Variants in DNAH7 observed in about 807,000 individuals in gnomAD.
The protein encoded by DNAH7 is axonemal beta dynein heavy chain 7.
DNAH7 carries 397 observed loss-of-function variants against 444.6 expected under a neutral mutation model. The observed-to-expected ratio is 0.89, with a 90% CI of 0.82 to 0.97. The LOEUF (loss-of-function observed/expected upper bound fraction) is 0.97. DNAH7 is among the 50% of genes least tolerant of loss of function. The pLI is 0.00. For missense variants in DNAH7, 4,902 were observed against 4,800.8 expected (o/e 1.02, Z -0.62); for synonymous variants, 1,636 against 1,624.4 (o/e 1.01, Z -0.17).
chr2:195,750,089 T>A (rs1409972367), intron 63 of DNAH7, among the ~76,000 whole-genome samples: 1 of 152,212 alleles, frequency 6.6e-6, no homozygotes, highest in Non-Finnish European at 1.5e-5. Flanking sequence ...TGACTACTCT[T>A]CAGTGCATGA....
intron 5 of DNAH7, among the ~76,000 whole-genome samples, chr2:196,041,068 A>T (rs1259808820): frequency 3.3e-5 from 5 of 151,992 alleles, no homozygotes; most frequent in Non-Finnish European, 5.9e-5. Context: ...AAAATCCCTT[A>T]AAAAATGCAA....
chr2:195,818,568 T>C (rs1697326899), intron 49 of DNAH7, among the ~76,000 whole-genome samples: 3 of 152,346 alleles, frequency 2.0e-5, no homozygotes, highest in Admixed American at 1.3e-4. Flanking sequence ...CCCACAATCC[T>C]TTCCAGCTAT....
chr2:195,873,648 A>G lies in DNAH7; in HGVS notation c.6333T>C (p.Asn2111=). The part of the protein sequence containing the change: ...PVTPRYMRHF[N]IITINEFSDK... ...CACTAAACTCATTGATTGTTATAAT[A>G]TTGAAATGTCGCATGTATCGAGGAG... Residue 2111 remains asparagine, a synonymous_variant, in exon 39 of 65, where the codon AAT becomes AAC. Coordinates refer to ENST00000312428, the MANE Select transcript of DNAH7 (RefSeq NM_018897.3). The G allele has an allele frequency of 6.5e-7, 1 of 1,535,298 alleles. No individual in the cohort carries two copies. The highest frequency in any genetic ancestry group is 8.7e-7 in the Non-Finnish European group (1 of 1,147,016).
chr2:196,043,232 A>T (rs928034413), intron 5 of DNAH7, among the ~76,000 whole-genome samples: 6 of 151,976 alleles, frequency 3.9e-5, no homozygotes, highest in Non-Finnish European at 5.9e-5. Flanking sequence ...AGCTTTTTTT[A>T]AAAAAAGGGA....
chr2:195,881,148 A>G (rs1574652768), intron 36 of DNAH7, among the ~76,000 whole-genome samples: 1 of 152,338 alleles, frequency 6.6e-6, no homozygotes, highest in East Asian at 1.9e-4. Flanking sequence ...ATTATTCAAT[A>G]AATACTAGGA....
At chr2:195,796,797 GT>G (rs1049707213) in intron 55 of DNAH7, 60 bp from the exon 56 acceptor site, 3 of 1,527,084 alleles carry the variant, frequency 2.0e-6, no homozygotes, top group South Asian at 1.3e-5. Context: ...CATCAATATT[GT>G]TTTTTTAAAA....
rs1008207020 is a variant in DNAH7 at position 195,778,474 on chromosome 2, C to T, written c.10879-489G>A. Among the ~76,000 whole-genome samples, 221 of 142,526 alleles carry T rather than the reference C, an allele frequency of 1.6e-3. 1 individual carries two copies. The highest frequency in any genetic ancestry group is 1.7e-3 in the Non-Finnish European group (112 of 66,366). 93.5% of individuals were successfully genotyped at this position (142,526 alleles called of 152,430 possible). A position where few individuals can be genotyped will look rare whatever the true frequency, so the allele number is the denominator to read the frequency against. On this transcript the variant is annotated intron_variant, in intron 58 of 64. Coordinates refer to ENST00000312428, the MANE Select transcript of DNAH7 (RefSeq NM_018897.3). ...GCAACATGGGGAGACCCTGTCCCTA[C>T]CAAAAAAAAAAAAGTAACCAGGTAT... is the stretch of plus-strand genomic sequence containing the variant.
chr2:196,053,595 C>G (rs1697622304), intron 2 of DNAH7, among the ~76,000 whole-genome samples: 2 of 152,120 alleles, frequency 1.3e-5, no homozygotes, highest in East Asian at 1.9e-4. Context: ...ATATAGGCAA[C>G]AGGAGACATG....
intron 15 of DNAH7, among the ~76,000 whole-genome samples, chr2:195,973,755 A>G (rs993420783): frequency 2.6e-5 from 4 of 152,154 alleles, no homozygotes; most frequent in African/African-American, 9.7e-5. Flanking sequence ...TACAGGCGTC[A>G]GCCACCGCGG....
chr2:195,837,517 T>C (rs981919685), intron 47 of DNAH7, among the ~76,000 whole-genome samples: 6 of 152,212 alleles, frequency 3.9e-5, no homozygotes, highest in African/African-American at 1.4e-4. Flanking sequence ...TCTAAGTTTC[T>C]TCTTTCTTTC....
At chr2:195,741,161 AATTTAT>A (rs1258634599) in intron 63 of DNAH7, 1 of 167,988 alleles carries the variant, frequency 6.0e-6, no homozygotes, top group Non-Finnish European at 1.3e-5. Flanking sequence ...AACATTATCA[AATTTAT>A]ATTGTTAATT....
chr2:195,807,722 C>A (rs1696778896), intron 53 of DNAH7, among the ~76,000 whole-genome samples: 1 of 152,070 alleles, frequency 6.6e-6, no homozygotes. Context: ...GAAACGTGTA[C>A]CTGTGAAACT....
At chr2:195,937,340 T>C (rs557624051) in intron 19 of DNAH7, among the ~76,000 whole-genome samples, 1 of 152,260 alleles carries the variant, frequency 6.6e-6, no homozygotes, top group African/African-American at 2.4e-5. Context: ...ATAACACTTC[T>C]TGCTGAAGGA....
Position 195,799,421 on chromosome 2 carries a change from T to C in DNAH7, c.10228A>G (p.Ile3410Val). ...GCTAAATCAAAGGGGGGTGGTTCAATGAATGCACGTCCCAATCTGTTGATT... is the reference window on the plus strand; with the variant it reads ...GCTAAATCAAAGGGGGGTGGTTCAACGAATGCACGTCCCAATCTGTTGATT... ...FIINRLGRAF[I>V]EPPPFDLAKA... The change falls in exon 55 of 65, where the codon ATT (isoleucine) becomes GTT (valine). Residue 3410 changes from isoleucine to valine, a missense_variant. Ile to Val is a conservative substitution (Grantham distance 29). Transcript: ENST00000312428. 1 of 1,610,456 alleles carries C rather than the reference T, an allele frequency of 6.2e-7. No individual in the cohort carries two copies. The highest frequency in any genetic ancestry group is 8.5e-7 in the Non-Finnish European group (1 of 1,178,362).
chr2:196,033,876 C>A (rs1696218148), intron 5 of DNAH7, among the ~76,000 whole-genome samples: 1 of 152,130 alleles, frequency 6.6e-6, no homozygotes, highest in African/African-American at 2.4e-5. Context: ...TACAAATTTC[C>A]ACAATGGCTG....
intron 19 of DNAH7, among the ~76,000 whole-genome samples, chr2:195,950,810 C>T (rs2125478807): frequency 7.5e-6 from 1 of 132,802 alleles, no homozygotes; most frequent in Admixed American, 9.3e-5. Flanking sequence ...CAAGACCATG[C>T]CACTGCACTC....
intron 11 of DNAH7, 41 bp downstream of exon 11, chr2:196,001,634 T>A (rs766202788): frequency 1.4e-6 from 2 of 1,422,580 alleles, no homozygotes; most frequent in East Asian, 4.9e-5. Flanking sequence ...TAAAAATAAA[T>A]AAATTTGTAA....
intron 63 of DNAH7, among the ~76,000 whole-genome samples, chr2:195,744,991 C>T (rs989958629): frequency 2.0e-5 from 3 of 152,240 alleles, no homozygotes; most frequent in African/African-American, 7.2e-5. Context: ...AGCAACGGAA[C>T]AGAGCTGGAC....
intron 5 of DNAH7, among the ~76,000 whole-genome samples, chr2:196,032,783 C>T (rs1303223945): frequency 2.6e-5 from 4 of 152,068 alleles, no homozygotes; most frequent in African/African-American, 9.7e-5. Context: ...CCATTAGTGG[C>T]CTGATATCAA....
Sources: allele counts gnomAD v4.1 joint callset (sites outside exome capture counted in the v4.1 genomes callset), GRCh38; gene constraint gnomAD v4.1.1; transcripts MANE v1.5; gene names NCBI Gene and HGNC (gene_info 2026-07-23, HGNC 2026-07-21).